CAST: variants seen among roughly 807,000 people sequenced by gnomAD.
CAST encodes the protein calpastatin, also known as MIR583 host.
In CAST, 76 loss-of-function variants were observed where a neutral mutation model predicts 119.6. The observed-to-expected ratio is 0.64, with a 90% CI of 0.53 to 0.77. CAST has a LOEUF of 0.77. Ranked by LOEUF, CAST falls within the 30% of genes least tolerant of loss-of-function variation. CAST has a pLI of 0.00. For missense variants in CAST, 953 were observed against 946.5 expected (o/e 1.01, Z -0.09); for synonymous variants, 319 against 331.6 (o/e 0.96, Z 0.41).
chr5:96,002,557 T>C, the CAST span, among the ~76,000 whole-genome samples: 4,046 of 152,202 alleles, frequency 0.027, 175 homozygotes, highest in African/African-American at 0.091. Flanking sequence ...GTAAAACTCA[T>C]CCATTGCCAC....
chr5:96,002,195 T>C, the CAST span, among the ~76,000 whole-genome samples: 7 of 152,246 alleles, frequency 4.6e-5, no homozygotes, highest in African/African-American at 1.7e-4. Flanking sequence ...GAAAAGGCCT[T>C]GCCTGATCTA....
intron 1 of CAST, among the ~76,000 whole-genome samples, chr5:96,649,348 G>A (rs1748062961): frequency 6.6e-6 from 1 of 152,160 alleles, no homozygotes; most frequent in Non-Finnish European, 1.5e-5. Context: ...CATTGCAGAT[G>A]TTTTCTTTTA....
rs1370550743 is a variant in CAST, at chr5:96,534,737, G to GAGAGAA, written c.60+4861_60+4866dup. Among the ~76,000 whole-genome samples, 67 of 14,220 alleles carry GAGAGAA rather than the reference G, an allele frequency of 4.7e-3. 2 individuals carry two copies. Among genetic ancestry groups the GAGAGAA allele is most frequent in the African/African-American group, 0.012 (55 of 4,640 alleles). The allele number at this position is 14,220 out of a possible 152,430, so 9.3% of individuals were successfully genotyped here. On this transcript the variant is annotated intron_variant, in intron 1 of 11. Coordinates refer to the CAST transcript ENST00000505143. The stretch of plus-strand genomic sequence containing the variant: ...AAGGAGAGAGAGAGAGAGAGAGAGA[G>GAGAGAA]AGAGAAAGAAAGAAAGAAAGAAAGA...
chr5:96,013,489 A>G, the CAST span, among the ~76,000 whole-genome samples: 2 of 152,036 alleles, frequency 1.3e-5, no homozygotes, highest in Admixed American at 1.3e-4. Context: ...CAAGTCCTCT[A>G]TTGATGGTGC....
the CAST span, among the ~76,000 whole-genome samples, chr5:96,108,783 C>A: frequency 6.6e-6 from 1 of 152,260 alleles, no homozygotes; most frequent in Admixed American, 6.5e-5. Flanking sequence ...CTTTGTTTAC[C>A]TAAGCAAGCC....
At chr5:96,629,691 A>G (rs1479591679) in intron 1 of CAST, among the ~76,000 whole-genome samples, 1 of 152,194 alleles carries the variant, frequency 6.6e-6, no homozygotes, top group Non-Finnish European at 1.5e-5. Flanking sequence ...CTCATTCTTT[A>G]ACCCTCCCTA....
At chr5:96,271,259 G>A in the CAST span, among the ~76,000 whole-genome samples, 1 of 151,992 alleles carries the variant, frequency 6.6e-6, no homozygotes. Flanking sequence ...GTTCTAAAAT[G>A]TATATGGAAC....
the CAST span, among the ~76,000 whole-genome samples, chr5:96,267,661 T>A: frequency 6.6e-6 from 1 of 152,110 alleles, no homozygotes; most frequent in African/African-American, 2.4e-5. Flanking sequence ...ACCTGTCTTA[T>A]AAGAAATGCT....
chr5:96,677,101 C>T (rs1414012101), intron 2 of CAST, among the ~76,000 whole-genome samples: 4 of 151,824 alleles, frequency 2.6e-5, no homozygotes, highest in African/African-American at 4.8e-5. Flanking sequence ...TTTATCAACC[C>T]TACCCTTTAA....
At chr5:96,443,921 A>G in the CAST span, among the ~76,000 whole-genome samples, 6 of 152,334 alleles carry the variant, frequency 3.9e-5, no homozygotes, top group South Asian at 1.0e-3. Context: ...AACTATCTCA[A>G]TTCTCTATTT....
At chr5:96,371,243 T>C in the CAST span, among the ~76,000 whole-genome samples, 1 of 152,196 alleles carries the variant, frequency 6.6e-6, no homozygotes. Flanking sequence ...TAAAGCATTA[T>C]TGTGCCAAAG....
intron 1 of CAST, among the ~76,000 whole-genome samples, chr5:96,580,502 C>G (rs1397617358): frequency 6.6e-6 from 1 of 152,174 alleles, no homozygotes; most frequent in Non-Finnish European, 1.5e-5. Context: ...TGCTCTACTA[C>G]AGTGTTTCTC....
chr5:96,017,186 CA>C, the CAST span, among the ~76,000 whole-genome samples: 1 of 152,090 alleles, frequency 6.6e-6, no homozygotes, highest in African/African-American at 2.4e-5. Flanking sequence ...GGACCTCTGA[CA>C]AATATTGACA....
chr5:96,376,659 T>C, the CAST span, among the ~76,000 whole-genome samples: 3 of 152,188 alleles, frequency 2.0e-5, no homozygotes, highest in Non-Finnish European at 4.4e-5. Flanking sequence ...CAGGCCGGTC[T>C]TGAACTCTTG....
chr5:96,101,227 G>C, the CAST span, among the ~76,000 whole-genome samples: 1 of 152,044 alleles, frequency 6.6e-6, no homozygotes, highest in African/African-American at 2.4e-5. Context: ...TTTGTATTTT[G>C]TTTACTGTAT....
the CAST span, among the ~76,000 whole-genome samples, chr5:96,251,038 A>G: frequency 6.6e-6 from 1 of 152,034 alleles, no homozygotes; most frequent in African/African-American, 2.4e-5. Flanking sequence ...AAAGGTACAG[A>G]GAAGCCCTTA....
At chr5:96,226,047 T>G in the CAST span, among the ~76,000 whole-genome samples, 1 of 152,192 alleles carries the variant, frequency 6.6e-6, no homozygotes, top group African/African-American at 2.4e-5. Context: ...GATCAGCTTC[T>G]AATATGTCCC....
the CAST span, among the ~76,000 whole-genome samples, chr5:96,227,845 T>G: frequency 6.6e-6 from 1 of 152,178 alleles, no homozygotes. Context: ...CTCGCTTGTG[T>G]ATCAGACAAG....
At chr5:96,691,477 T>C (rs1371271299) in intron 2 of CAST, among the ~76,000 whole-genome samples, 2 of 152,212 alleles carry the variant, frequency 1.3e-5, no homozygotes, top group African/African-American at 2.4e-5. Context: ...ATAAAACTCA[T>C]AGAAAATTTT....
Sources: allele counts gnomAD v4.1 joint callset (sites outside exome capture counted in the v4.1 genomes callset), GRCh38; gene constraint gnomAD v4.1.1; transcripts MANE v1.5; gene names NCBI Gene and HGNC (gene_info 2026-07-23, HGNC 2026-07-21).